TRAPPC9: variants seen among roughly 807,000 people sequenced by gnomAD.
TRAPPC9 encodes IKK2 binding protein.
A neutral mutation model predicts 124.0 loss-of-function variants in TRAPPC9; 83 were observed. The observed-to-expected ratio is 0.67, with a 90% CI of 0.56 to 0.80. TRAPPC9 has a LOEUF of 0.80. TRAPPC9 is among the 30% of genes least tolerant of loss of function. The probability of loss-of-function intolerance (pLI) is 0.00; values close to 1 mark genes in which losing one functional copy is unlikely to be tolerated. For missense variants in TRAPPC9, 1,302 were observed against 1,508.3 expected (o/e 0.86, Z 2.27); for synonymous variants, 638 against 617.5 (o/e 1.03, Z -0.49).
At chr8:139,871,648 TA>T (rs1465904233) in intron 21 of TRAPPC9, among the ~76,000 whole-genome samples, 13 of 152,138 alleles carry the variant, frequency 8.5e-5, no homozygotes, top group African/African-American at 3.1e-4. Flanking sequence ...AGATGTCTCT[TA>T]AAGAAAGCAG....
rs377016478 is a variant in TRAPPC9 at position 140,237,477 on chromosome 8, CT to C, written c.2431+15299del. Among the ~76,000 whole-genome samples the C allele has an allele frequency of 9.9e-5, 15 of 151,834 alleles. No homozygotes were observed. The East Asian group carries it at 2.7e-3, about 28-fold the overall frequency. On this transcript the variant is annotated intron_variant, in intron 16 of 22. Transcript: ENST00000438773. The stretch of plus-strand genomic sequence containing the variant: ...CTGCACATTAGAATCTTTTGGGGTG[CT>C]TTGAAAAACTGTAAGTCCAGTTAAA...
rs185026219 is a variant in TRAPPC9 at position 140,376,512 on chromosome 8, C to T, written c.1135-5332G>A. ...CGGAACTTGCAGTGAGCCGGGATTG[C>T]GCCACTGCACTCTAGCCTGGGCACA... is the stretch of plus-strand genomic sequence containing the variant. On this transcript the variant is annotated intron_variant, in intron 7 of 22. Coordinates refer to ENST00000438773, the MANE Select transcript of TRAPPC9 (RefSeq NM_001160372.4). Among the ~76,000 whole-genome samples, 461 of 139,006 alleles carry T rather than the reference C, an allele frequency of 3.3e-3. 2 individuals carry two copies. The highest frequency in any genetic ancestry group is 8.2e-3 in the Middle Eastern group (2 of 244). 91.2% of individuals were successfully genotyped at this position (139,006 alleles called of 152,430 possible). A position where few individuals can be genotyped will look rare whatever the true frequency, so the allele number is the denominator to read the frequency against.
intron 21 of TRAPPC9, among the ~76,000 whole-genome samples, chr8:139,780,290 G>A (rs1821712963): frequency 6.6e-6 from 1 of 152,154 alleles, no homozygotes; most frequent in South Asian, 2.1e-4. Flanking sequence ...TGAAGACAAT[G>A]TGGTATTGGT....
chr8:140,085,155 G>C (rs1844103772), intron 17 of TRAPPC9, among the ~76,000 whole-genome samples: 1 of 152,020 alleles, frequency 6.6e-6, no homozygotes, highest in Admixed American at 6.5e-5. Context: ...ATGACTCTTT[G>C]AAAAAGAGAG....
At chr8:140,272,425 GGTGATGGTA>G (rs796609561) in intron 15 of TRAPPC9, among the ~76,000 whole-genome samples, 15 of 150,866 alleles carry the variant, frequency 9.9e-5, no homozygotes, top group East Asian at 9.7e-4. Context: ...TGGTGATGGT[GGTGATGGTA>G]GTGATGGTGG....
At chr8:140,322,315 G>A (rs1011660622) in intron 9 of TRAPPC9, among the ~76,000 whole-genome samples, 2 of 152,128 alleles carry the variant, frequency 1.3e-5, no homozygotes, top group Non-Finnish European at 2.9e-5. Context: ...ATGACCCCAA[G>A]GAGAGCTAGG....
intron 1 of TRAPPC9, among the ~76,000 whole-genome samples, 176 bp downstream of exon 1, chr8:140,457,463 T>C (rs1224160514): frequency 6.6e-6 from 1 of 152,060 alleles, no homozygotes; most frequent in African/African-American, 2.4e-5. Flanking sequence ...CTCGAGCAGG[T>C]GCACGCTGAA....
rs1844249993 is a variant in TRAPPC9, at chr8:140,087,267, T to C, written c.2557-63188A>G. On this transcript the variant is annotated intron_variant, in intron 17 of 22. Transcript: ENST00000438773. The surrounding 1 kb of genome is among the most constrained non-coding windows in gnomAD (Gnocchi z 4.6). ...CTCCCGTGCCCTCCCCCCGGCCCCA[T>C]CACCCTGCAGATGTCGGGGTGCCTC... Among the ~76,000 whole-genome samples, 1 of 151,956 alleles carries C rather than the reference T, an allele frequency of 6.6e-6. No homozygotes were observed. Among genetic ancestry groups the C allele is most frequent in the Non-Finnish European group, 1.5e-5 (1 of 67,968 alleles).
At chr8:140,073,644 G>A (rs769770197) in intron 17 of TRAPPC9, among the ~76,000 whole-genome samples, 4 of 152,218 alleles carry the variant, frequency 2.6e-5, no homozygotes, top group Non-Finnish European at 5.9e-5. Context: ...AAACTGTAGA[G>A]TTAAGATGTG....
chr8:140,393,218 C>T (rs944670694), intron 7 of TRAPPC9, among the ~76,000 whole-genome samples: 2 of 151,904 alleles, frequency 1.3e-5, no homozygotes, highest in Non-Finnish European at 2.9e-5. Context: ...ATTACAGGTG[C>T]CCCCCACCAC....
intron 15 of TRAPPC9, among the ~76,000 whole-genome samples, chr8:140,272,129 G>A (rs1240274314): frequency 9.6e-5 from 5 of 52,084 alleles, no homozygotes; most frequent in South Asian, 1.4e-3. Flanking sequence ...GGTGATGGTG[G>A]CGATGGTGAT....
chr8:140,360,241 A>G, intron 8 of TRAPPC9, 48 bp from the exon 9 acceptor site: 1 of 1,612,620 alleles, frequency 6.2e-7, no homozygotes, highest in South Asian at 1.1e-5. Context: ...GAGAGGGTAC[A>G]GGAAATACGG....
chr8:140,249,816 G>C (rs1169514823), intron 16 of TRAPPC9, among the ~76,000 whole-genome samples: 1 of 151,872 alleles, frequency 6.6e-6, no homozygotes. Context: ...CACCATGTTA[G>C]CCAGGATGGT....
At chr8:140,284,127 G>A in intron 13 of TRAPPC9, 106 bp from the exon 14 acceptor site, 1 of 1,512,246 alleles carries the variant, frequency 6.6e-7, no homozygotes, top group African/African-American at 1.4e-5. Context: ...GAAGACCTGA[G>A]TTCCGAAGCT....
chr8:140,117,779 C>T (rs1457570459), intron 17 of TRAPPC9, among the ~76,000 whole-genome samples: 1 of 152,162 alleles, frequency 6.6e-6, no homozygotes, highest in Non-Finnish European at 1.5e-5. Context: ...CGTAACAGAA[C>T]TCACTGAGCA....
At chr8:140,425,843 T>A (rs1039107464) in intron 5 of TRAPPC9, among the ~76,000 whole-genome samples, 5 of 152,188 alleles carry the variant, frequency 3.3e-5, no homozygotes, top group Admixed American at 6.5e-5. Flanking sequence ...TTGTTGTCCT[T>A]TCTCTACACA....
chr8:140,340,799 C>G (rs964086451), intron 9 of TRAPPC9, among the ~76,000 whole-genome samples: 5 of 152,174 alleles, frequency 3.3e-5, no homozygotes, highest in African/African-American at 1.2e-4. Flanking sequence ...TTCCCCAAGG[C>G]CACTCAAATA....
chr8:140,204,256 A>C (rs957024851), intron 17 of TRAPPC9, among the ~76,000 whole-genome samples: 1 of 152,124 alleles, frequency 6.6e-6, no homozygotes, highest in Non-Finnish European at 1.5e-5. Context: ...GGATTAAGAA[A>C]ATGTGGCACA....
intron 21 of TRAPPC9, among the ~76,000 whole-genome samples, chr8:139,848,004 G>A (rs924461518): frequency 6.6e-6 from 1 of 152,258 alleles, no homozygotes; most frequent in Non-Finnish European, 1.5e-5. Context: ...GCCGGAACTG[G>A]AACAAGGCCC....
Sources: gnomAD v4.1 joint callset for allele counts (sites outside exome capture counted in the v4.1 genomes callset) on GRCh38, gnomAD v4.1.1 for gene constraint, Gnocchi (gnomAD v3.1) non-coding constraint, MANE v1.5 for transcripts, NCBI Gene and HGNC (gene_info 2026-07-23, HGNC 2026-07-21) for gene names.